Variants in CDH18 observed in about 807,000 individuals in gnomAD.
CDH18 encodes cadherin-18.
A neutral mutation model predicts 67.9 loss-of-function variants in CDH18; 31 were observed. That is an observed-to-expected ratio of 0.46 (90% CI 0.34 to 0.62). The LOEUF is 0.62. Ranked by LOEUF, CDH18 falls within the 20% of genes least tolerant of loss-of-function variation. The pLI, the probability that CDH18 is intolerant of heterozygous loss-of-function variation, is 0.01. For synonymous variants in CDH18, 362 were observed against 347.2 expected, an observed-to-expected ratio of 1.04 and a Z score of -0.48; for missense variants, 890 against 975.5, an observed-to-expected ratio of 0.91 and a Z score of 1.17.
At chr5:19,785,345 G>C (rs1304087576) in intron 3 of CDH18, among the ~76,000 whole-genome samples, 1 of 151,720 alleles carries the variant, frequency 6.6e-6, no homozygotes, top group African/African-American at 2.4e-5. Context: ...CCAGCACATA[G>C]TAGCCACTCA....
chr5:19,625,734 A>AG (rs890454148), intron 5 of CDH18, among the ~76,000 whole-genome samples: 1 of 151,754 alleles, frequency 6.6e-6, no homozygotes, highest in African/African-American at 2.4e-5. Flanking sequence ...GCCAGATGGG[A>AG]GGGGGTCCCT....
chr5:19,897,719 A>G (rs575056676), intron 2 of CDH18, among the ~76,000 whole-genome samples: 1 of 152,228 alleles, frequency 6.6e-6, no homozygotes, highest in East Asian at 1.9e-4. Flanking sequence ...ACATATCAAT[A>G]TTATACAGCA....
chr5:20,381,201 T>A (rs1743883906), intron 1 of CDH18, among the ~76,000 whole-genome samples: 1 of 152,180 alleles, frequency 6.6e-6, no homozygotes. Context: ...TTGATTTTAA[T>A]CTAGTCTAGT....
At chr5:20,454,594 C>T (rs552183671) in intron 1 of CDH18, among the ~76,000 whole-genome samples, 1 of 152,154 alleles carries the variant, frequency 6.6e-6, no homozygotes. Flanking sequence ...GCGTCTGGGA[C>T]TTTATCCTTC....
chr5:19,924,616 A>C (rs568249943), intron 2 of CDH18, among the ~76,000 whole-genome samples: 2 of 152,252 alleles, frequency 1.3e-5, no homozygotes, highest in South Asian at 4.1e-4. Context: ...AAAGAGCAAG[A>C]CTCTGTCTCA....
intron 2 of CDH18, among the ~76,000 whole-genome samples, chr5:20,185,798 C>T (rs967986763): frequency 6.6e-6 from 1 of 151,970 alleles, no homozygotes; most frequent in African/African-American, 2.4e-5. Flanking sequence ...ATACACACAA[C>T]TTTATTTTCT....
intron 1 of CDH18, among the ~76,000 whole-genome samples, chr5:20,452,711 A>G (rs964367374): frequency 1.3e-5 from 2 of 152,066 alleles, no homozygotes; most frequent in African/African-American, 4.8e-5. Context: ...CCCCTATGAC[A>G]CAAGTTTACC....
intron 1 of CDH18, among the ~76,000 whole-genome samples, chr5:20,546,594 C>T (rs144233711): frequency 6.0e-4 from 92 of 152,128 alleles, no homozygotes; most frequent in African/African-American, 2.0e-3. Flanking sequence ...TCGGTTCTCG[C>T]GATAACTCAC....
At chr5:19,489,328 A>G (rs1740935435) in intron 11 of CDH18, among the ~76,000 whole-genome samples, 1 of 149,152 alleles carries the variant, frequency 6.7e-6, no homozygotes, top group South Asian at 2.1e-4. Flanking sequence ...GCTCACTGCA[A>G]CCTCCACCTC....
At chr5:20,372,075 T>C (rs917928501) in intron 1 of CDH18, among the ~76,000 whole-genome samples, 4 of 152,240 alleles carry the variant, frequency 2.6e-5, no homozygotes, top group Non-Finnish European at 4.4e-5. Context: ...AGATACATTT[T>C]TTTTGTAAGA....
At chr5:20,564,279 T>A (rs1233215435) in intron 1 of CDH18, among the ~76,000 whole-genome samples, 1 of 150,686 alleles carries the variant, frequency 6.6e-6, no homozygotes. Context: ...TTTATTTATT[T>A]ATTTATTTAT....
At position 19,483,309 on chromosome 5, in the gene CDH18, A is replaced by T; in HGVS notation, c.1874T>A (p.Ile625Asn). The T allele has an allele frequency of 6.2e-7, 1 of 1,612,848 alleles. No individual in the cohort carries two copies. The highest frequency in any genetic ancestry group is 8.5e-7 in the Non-Finnish European group (1 of 1,179,336). Residue 625 changes from isoleucine (I) to asparagine (N), a missense_variant, in exon 12 of 13, where the codon ATT becomes AAT. By Grantham distance (149) the Ile-to-Asn change is moderately radical (BLOSUM62 -3). Around this residue, in one of 2 missense-constraint regions of CDH18, gnomAD observed 656 missense variants for 668.1 expected, o/e 0.98. Transcript: ENST00000382275. The part of the protein sequence containing the change: ...ALIAILLCVL[I>N]LLAIVVLFIT... ...GGTTTAGAATGACTTACCCAGGAGAATGAGAACACAGAGAAGAATAGCGAT... is the reference window on the plus strand; with the variant it reads ...GGTTTAGAATGACTTACCCAGGAGATTGAGAACACAGAGAAGAATAGCGAT...
intron 1 of CDH18, among the ~76,000 whole-genome samples, chr5:20,555,852 T>C (rs1320640401): frequency 6.6e-6 from 1 of 152,116 alleles, no homozygotes; most frequent in Admixed American, 6.6e-5. Flanking sequence ...TTCCCAGAGG[T>C]ATTTTGCATT....
intron 2 of CDH18, among the ~76,000 whole-genome samples, chr5:20,207,828 T>C (rs114868929): frequency 0.015 from 2,293 of 152,128 alleles, 30 homozygotes; most frequent in South Asian, 0.029. Context: ...CTAAAATGTA[T>C]ATATAACTAC....
intron 2 of CDH18, among the ~76,000 whole-genome samples, chr5:20,120,926 T>A (rs1392716181): frequency 6.6e-6 from 1 of 152,170 alleles, no homozygotes; most frequent in East Asian, 1.9e-4. Context: ...AAATTTAGAT[T>A]TTCATATATA....
At position 20,051,097 on chromosome 5, in the gene CDH18, C is replaced by T. The variant is rs79262273; in HGVS notation, c.-517-59083G>A. The stretch of plus-strand genomic sequence containing the variant: ...TGTATTAACGTATTTTACTAAAAAT[C>T]GTGGCTAGTGTGTTTATAATTCATT... On this transcript the variant is annotated intron_variant, in intron 2 of 14. Coordinates refer to the CDH18 transcript ENST00000507958. Among the ~76,000 whole-genome samples, 479 of 151,944 alleles carry T rather than the reference C, an allele frequency of 3.2e-3. 1 individual carries two copies. The highest frequency in any genetic ancestry group is 4.4e-3 in the Non-Finnish European group (300 of 67,790).
At chr5:20,361,948 T>G (rs1742120299) in intron 1 of CDH18, among the ~76,000 whole-genome samples, 1 of 152,202 alleles carries the variant, frequency 6.6e-6, no homozygotes, top group African/African-American at 2.4e-5. Flanking sequence ...TAAATGTTAC[T>G]TGAAGACAAT....
intron 1 of CDH18, among the ~76,000 whole-genome samples, chr5:20,469,875 T>C (rs1751927129): frequency 6.6e-6 from 1 of 152,148 alleles, no homozygotes; most frequent in Non-Finnish European, 1.5e-5. Flanking sequence ...ATTTTGATAG[T>C]TTCAATTCTC....
At chr5:19,549,631 G>A (rs944466995) in intron 8 of CDH18, among the ~76,000 whole-genome samples, 3 of 117,086 alleles carry the variant, frequency 2.6e-5, no homozygotes, top group Non-Finnish European at 5.1e-5. Flanking sequence ...AAGGAAGGAA[G>A]AAAAATGGAG....
Sources: gnomAD v4.1 joint callset for allele counts (sites outside exome capture counted in the v4.1 genomes callset) on GRCh38, gnomAD v4.1.1 for gene constraint, gnomAD v4.1.1 regional missense constraint, MANE v1.5 for transcripts, NCBI Gene and HGNC (gene_info 2026-07-23, HGNC 2026-07-21) for gene names.